Variants in DENND1A observed in about 807,000 individuals in gnomAD.
DENND1A encodes DENN domain-containing protein 1A.
In DENND1A, 51 loss-of-function variants were observed where a neutral mutation model predicts 113.7. The observed-to-expected ratio is 0.45, with a 90% confidence interval of 0.36 to 0.57. The LOEUF (loss-of-function observed/expected upper bound fraction) is 0.57, where lower values mean the gene tolerates loss of function less well. DENND1A is among the 20% of genes least tolerant of loss of function. The probability of loss-of-function intolerance (pLI) is 0.00; values close to 1 mark genes in which losing one functional copy is unlikely to be tolerated. For synonymous variants in DENND1A, 565 were observed against 570.8 expected (o/e 0.99, Z 0.14); for missense variants, 1,258 against 1,395.9 (o/e 0.90, Z 1.57).
At chr9:123,613,436 C>G (rs1313499434) in intron 10 of DENND1A, among the ~76,000 whole-genome samples, 2 of 152,112 alleles carry the variant, frequency 1.3e-5, no homozygotes, top group Admixed American at 6.6e-5. Flanking sequence ...AAGGGTATCT[C>G]AGTTACAAAA....
intron 5 of DENND1A, among the ~76,000 whole-genome samples, chr9:123,704,636 C>T (rs1343532193): frequency 2.0e-5 from 3 of 152,070 alleles, no homozygotes; most frequent in Non-Finnish European, 2.9e-5. Flanking sequence ...CCAATTCCTA[C>T]AAATAAAGCT....
chr9:123,743,557 C>A (rs1456264844), intron 5 of DENND1A, among the ~76,000 whole-genome samples: 1 of 151,534 alleles, frequency 6.6e-6, no homozygotes, highest in Non-Finnish European at 1.5e-5. Context: ...TATGGTGAAA[C>A]CCTGTCTCTA....
intron 1 of DENND1A, among the ~76,000 whole-genome samples, chr9:123,897,094 C>G (rs1481561292): frequency 6.6e-6 from 1 of 152,110 alleles, no homozygotes; most frequent in Non-Finnish European, 1.5e-5. Flanking sequence ...GTTCTGGCTC[C>G]CAGTAACAGG....
intron 18 of DENND1A, among the ~76,000 whole-genome samples, chr9:123,442,980 AAG>A (rs756313257): frequency 1.3e-5 from 2 of 152,320 alleles, no homozygotes; most frequent in Non-Finnish European, 2.9e-5. Context: ...TGCTAAAAAG[AAG>A]AGTTTCCCTG....
At chr9:123,823,828 A>G (rs150110290) in intron 2 of DENND1A, among the ~76,000 whole-genome samples, 2 of 152,280 alleles carry the variant, frequency 1.3e-5, no homozygotes, top group African/African-American at 4.8e-5. Context: ...CAGAAGAAAC[A>G]CCAAGAGAGA....
chr9:123,477,356 A>G (rs1420908480), intron 13 of DENND1A, among the ~76,000 whole-genome samples: 1 of 151,790 alleles, frequency 6.6e-6, no homozygotes, highest in Non-Finnish European at 1.5e-5. Context: ...TTTGAGACCA[A>G]CCTGGGCAAC....
At chr9:123,509,842 G>A (rs561209858) in intron 13 of DENND1A, among the ~76,000 whole-genome samples, 156 of 152,260 alleles carry the variant, frequency 1.0e-3, no homozygotes, top group African/African-American at 3.5e-3. Context: ...TTGACCTCAG[G>A]CAAGGAAATC....
chr9:123,406,121 C>A (rs28737208), intron 20 of DENND1A, among the ~76,000 whole-genome samples: 18,893 of 152,226 alleles, frequency 0.12, 1,322 homozygotes, highest in Admixed American at 0.17. Flanking sequence ...GGCTTAGGGA[C>A]ACAGATGATA....
chr9:123,829,693 G>A (rs1839898481), intron 2 of DENND1A, among the ~76,000 whole-genome samples: 1 of 152,000 alleles, frequency 6.6e-6, no homozygotes, highest in Non-Finnish European at 1.5e-5. Flanking sequence ...ACCTGAATAG[G>A]TATAATAACT....
intron 5 of DENND1A, among the ~76,000 whole-genome samples, chr9:123,686,889 AG>A (rs2064842964): frequency 6.6e-6 from 1 of 152,198 alleles, no homozygotes; most frequent in African/African-American, 2.4e-5. Flanking sequence ...TTCCACAAAT[AG>A]TACTCATTTA....
intron 13 of DENND1A, among the ~76,000 whole-genome samples, chr9:123,462,599 C>G (rs1179645717): frequency 1.3e-5 from 2 of 152,158 alleles, no homozygotes; most frequent in African/African-American, 4.8e-5. Context: ...GAGTTCGAGA[C>G]CAGCTTGATC....
intron 5 of DENND1A, among the ~76,000 whole-genome samples, chr9:123,739,733 A>C (rs2068842589): frequency 6.6e-6 from 1 of 152,186 alleles, no homozygotes; most frequent in Non-Finnish European, 1.5e-5. Context: ...TATTAATGAA[A>C]GTTTAGAAAA....
intron 20 of DENND1A, among the ~76,000 whole-genome samples, chr9:123,410,900 G>T (rs1214482382): frequency 6.6e-6 from 1 of 151,900 alleles, no homozygotes; most frequent in African/African-American, 2.4e-5. Context: ...CACTTTCAAA[G>T]CACCTGCTAA....
chr9:123,620,804 T>C (rs963986591), intron 10 of DENND1A, among the ~76,000 whole-genome samples: 6 of 151,800 alleles, frequency 4.0e-5, no homozygotes, highest in Admixed American at 3.3e-4. Context: ...ATGAGCTCTG[T>C]CACAGTGGCA....
intron 2 of DENND1A, among the ~76,000 whole-genome samples, chr9:123,809,873 G>A (rs531933727): frequency 5.3e-5 from 8 of 152,186 alleles, no homozygotes; most frequent in South Asian, 4.2e-4. Flanking sequence ...GTTTCACCAC[G>A]TCGGCCAGGC....
At position 123,432,781 on chromosome 9, in the gene DENND1A, T is replaced by C. The variant is rs563503104; in HGVS notation, c.1488+7579A>G. On this transcript the variant is annotated intron_variant, in intron 19 of 23. Coordinates refer to ENST00000394215, the MANE Select transcript of DENND1A (RefSeq NM_001352964.2). ...GTACCTTCTGCCCCAACCTGCCCCA[T>C]AGCCCCTTCTTTCCACATGTTTGAC... 7.2e-5 allele frequency among the ~76,000 whole-genome samples: 11 copies of C among 152,336 alleles called. No individual in the cohort carries two copies. The South Asian group carries it at 1.9e-3, about 26-fold the overall frequency.
At chr9:123,690,907 G>A (rs866614694) in intron 5 of DENND1A, among the ~76,000 whole-genome samples, 3 of 152,186 alleles carry the variant, frequency 2.0e-5, no homozygotes, top group African/African-American at 4.8e-5. Flanking sequence ...CTGGTCACAC[G>A]AGAGCCTCAT....
At chr9:123,878,770 A>G (rs1226020522) in intron 2 of DENND1A, among the ~76,000 whole-genome samples, 181 bp downstream of exon 2, 1 of 152,220 alleles carries the variant, frequency 6.6e-6, no homozygotes, top group East Asian at 1.9e-4. Context: ...AATTCAGACT[A>G]TTCACTGTGT....
chr9:123,740,618 G>A (rs1278743954), intron 5 of DENND1A, among the ~76,000 whole-genome samples: 1 of 152,030 alleles, frequency 6.6e-6, no homozygotes, highest in Non-Finnish European at 1.5e-5. Flanking sequence ...ATTCTCTGTT[G>A]CTAACTCCTA....
Sources: gnomAD v4.1 joint callset for allele counts (sites outside exome capture counted in the v4.1 genomes callset) on GRCh38, gnomAD v4.1.1 for gene constraint, MANE v1.5 for transcripts, NCBI Gene and HGNC (gene_info 2026-07-23, HGNC 2026-07-21) for gene names.